Variants in GHRHR observed in about 807,000 individuals in gnomAD.
GHRHR encodes growth hormone releasing hormone receptor, also known as growth hormone-releasing hormone receptor.
Under a neutral mutation model 58.3 loss-of-function variants are expected in GHRHR, and 40 were observed. The ratio of observed to expected loss-of-function variants is 0.69; its 90% confidence interval spans 0.53 to 0.89. GHRHR has a LOEUF of 0.89. GHRHR is among the 40% of genes least tolerant of loss of function. The pLI is 0.00. For missense variants in GHRHR, 551 were observed against 541.3 expected (o/e 1.02, Z -0.18); for synonymous variants, 249 against 216.6 (o/e 1.15, Z -1.31).
At chr7:30,974,367 C>T (rs867201737) in intron 7 of GHRHR, 62 bp from the exon 8 acceptor site, 18 of 1,276,818 alleles carry the variant, frequency 1.4e-5, no homozygotes, top group African/African-American at 4.4e-5. Context: ...TGGGAGGTGG[C>T]GCCAGATCTC....
In GHRHR at chr7:30,971,976, C is replaced by G. The variant is rs1470811276; in HGVS notation, c.478C>G (p.Pro160Ala). The change falls in exon 6 of 13, where the codon CCC becomes GCC. Residue 160 changes from proline (P) to alanine (A), a missense_variant. Transcript: ENST00000326139. ...CATTACCCCCAGGAGGCTCCACTGC[C>G]CCCGGAACTACGTCCACACCCAGCT... is the stretch of plus-strand genomic sequence containing the variant. ...ILVALRRLHCPRNYVHTQLFT... is the reference protein window; with the variant it reads ...ILVALRRLHCARNYVHTQLFT... The G allele has an allele frequency of 1.2e-6, 2 of 1,613,990 alleles. No individual in the cohort carries two copies. The highest frequency in any genetic ancestry group is 3.3e-5 in the Admixed American group (2 of 60,018).
rs1792414458 is a variant in GHRHR, at chr7:30,968,871, C to T, written c.95C>T (p.Thr32Ile). 2 of 1,613,782 alleles carry T rather than the reference C, an allele frequency of 1.2e-6. No homozygotes were observed. Among genetic ancestry groups the T allele is most frequent in the African/African-American group, 1.3e-5 (1 of 74,854 alleles). Residue 32 changes from threonine (T) to isoleucine (I), a missense_variant, in exon 2 of 13, where the codon ACC becomes ATC. Physicochemically the swap from Thr to Ile is moderately conservative, Grantham distance 89. Coordinates refer to ENST00000326139, the MANE Select transcript of GHRHR (RefSeq NM_000823.4). ...GHMHPECDFI[T>I]QLREDESACL... ...ATGCACCCAGAATGTGACTTCATCA[C>T]CCAGCTGAGAGAGGATGAGAGTGCC...
At chr7:30,977,377 G>A (rs532972028) in intron 12 of GHRHR, 55 bp downstream of exon 12, 5 of 1,479,712 alleles carry the variant, frequency 3.4e-6, no homozygotes, top group Non-Finnish European at 4.7e-6. Context: ...CAGACCTAAG[G>A]CCCCTCCTCC....
Position 30,976,440 on chromosome 7 carries a change from A to G in GHRHR, c.986A>G (p.Lys329Arg). The stretch of plus-strand genomic sequence containing the variant: ...TGTCTTTCCTGCAGGCGTCTCTCCA[A>G]GTCGACACTTTTCCTGATCCCACTC... ...HTQSQYWRLS[K>R]STLFLIPLFG... The change falls in exon 11 of 13, where the codon AAG becomes AGG. Residue 329 changes from lysine (K) to arginine (R), a missense_variant. Lys to Arg is a conservative substitution (Grantham distance 26, BLOSUM62 2). Coordinates refer to ENST00000326139, the MANE Select transcript of GHRHR (RefSeq NM_000823.4). 6.2e-7 allele frequency: 1 copy of G among 1,613,432 alleles called. No homozygotes were observed. Among genetic ancestry groups the G allele is most frequent in the Non-Finnish European group, 8.5e-7 (1 of 1,179,538 alleles).
Position 30,976,464 on chromosome 7 carries a change from T to C in GHRHR, c.1010T>C (p.Leu337Pro), listed in dbSNP as rs1433798230. The C allele has an allele frequency of 6.2e-7, 1 of 1,613,336 alleles. No individual in the cohort carries two copies. Residue 337 changes from leucine to proline, a missense_variant, in exon 11 of 13, where the codon CTC (leucine) becomes CCC (proline). Transcript: ENST00000326139. ...AAGTCGACACTTTTCCTGATCCCAC[T>C]CTTTGGAATTCACTACATCATCTTC... ...LSKSTLFLIP[L>P]FGIHYIIFNF... is the part of the protein sequence containing the mutation.
Position 30,969,903 on chromosome 7 carries a change from C to A in GHRHR, c.305C>A (p.Ser102Tyr). 6.2e-7 allele frequency: 1 copy of A among 1,607,420 alleles called. No individual in the cohort carries two copies. Among genetic ancestry groups the A allele is most frequent in the Non-Finnish European group, 8.5e-7 (1 of 1,173,826 alleles). Residue 102 changes from serine (S) to tyrosine (Y), a missense_variant, in exon 4 of 13, where the codon TCT (serine) becomes TAT (tyrosine). By Grantham distance (144) the Ser-to-Tyr change is moderately radical. Transcript: ENST00000326139. ...VKRDCTITGW[S>Y]EPFPPYPVAC... ...CGGGATTGTACTATCACTGGCTGGTCTGAGCCCTTTCCACCTTACCCTGTG... is the reference window on the plus strand; with the variant it reads ...CGGGATTGTACTATCACTGGCTGGTATGAGCCCTTTCCACCTTACCCTGTG...
chr7:30,968,474 A>G, intron 1 of GHRHR, among the ~76,000 whole-genome samples: 1 of 152,124 alleles, frequency 6.6e-6, no homozygotes, highest in Non-Finnish European at 1.5e-5. Context: ...AGGTTTGTAT[A>G]CCAACTTCCT....
At chr7:30,966,040 C>T (rs993819050) in intron 1 of GHRHR, among the ~76,000 whole-genome samples, 1 of 152,178 alleles carries the variant, frequency 6.6e-6, no homozygotes, top group African/African-American at 2.4e-5. Context: ...CCTTGCAGGG[C>T]CAGGCAGGAG....
chr7:30,975,115 G>A, intron 9 of GHRHR, 75 bp downstream of exon 9: 2 of 1,016,932 alleles, frequency 2.0e-6, no homozygotes, highest in Non-Finnish European at 3.2e-6. Flanking sequence ...GTGCACAGCA[G>A]GAAATGCAAC....
chr7:30,967,616 C>T (rs1562592271), intron 1 of GHRHR, among the ~76,000 whole-genome samples: 1 of 52,620 alleles, frequency 1.9e-5, no homozygotes, highest in Non-Finnish European at 3.4e-5. Flanking sequence ...CATCCATCCA[C>T]CTCCCCAGCC....
Position 30,976,491 on chromosome 7 carries a change from A to G in GHRHR, c.1037A>G (p.Asn346Ser). ...PLFGIHYIIF[N>S]FLPDNAGLGI... The stretch of plus-strand genomic sequence containing the variant: ...TTTGGAATTCACTACATCATCTTCA[A>G]CTTCCTGCCAGACAATGCTGGCCTG... Residue 346 changes from asparagine to serine, a missense_variant, in exon 11 of 13, where the codon AAC (asparagine) becomes AGC (serine). Transcript: ENST00000326139. The G allele has an allele frequency of 6.2e-7, 1 of 1,613,480 alleles. No individual in the cohort carries two copies. The highest frequency in any genetic ancestry group is 8.5e-7 in the Non-Finnish European group (1 of 1,179,528).
At chr7:30,972,611 A>C (rs932580667) in intron 6 of GHRHR, among the ~76,000 whole-genome samples, 1 of 152,190 alleles carries the variant, frequency 6.6e-6, no homozygotes, top group African/African-American at 2.4e-5. Flanking sequence ...GGGAAGGAGA[A>C]CATTTCAAGA....
At chr7:30,976,314 A>T (rs2128598713) in intron 10 of GHRHR, 115 bp from the exon 11 acceptor site, 1 of 948,448 alleles carries the variant, frequency 1.1e-6, no homozygotes, top group Non-Finnish European at 1.7e-6. Flanking sequence ...GCGTTTCCCA[A>T]GGTGGCTGTT....
In GHRHR at chr7:30,969,923, C is replaced by T; in HGVS notation, c.325C>T (p.Pro109Ser). ...TGWSEPFPPY[P>S]VACPVPLELL... ...CTGGTCTGAGCCCTTTCCACCTTAC[C>T]CTGTGGCCTGCCCTGTGCCTCTGGA... Residue 109 changes from proline (P) to serine (S), a missense_variant, in exon 4 of 13, where the codon CCT becomes TCT. Coordinates refer to ENST00000326139, the MANE Select transcript of GHRHR (RefSeq NM_000823.4). 1.9e-6 allele frequency: 3 copies of T among 1,554,684 alleles called. No individual in the cohort carries two copies. Among genetic ancestry groups the T allele is most frequent in the Non-Finnish European group, 2.7e-6 (3 of 1,125,514 alleles).
chr7:30,969,419 T>C (rs1562593011), intron 3 of GHRHR: 5 of 599,786 alleles, frequency 8.3e-6, no homozygotes, highest in Non-Finnish European at 1.2e-5. Context: ...CTGGATGCCC[T>C]CCAGGTGTTA....
At position 30,974,479 on chromosome 7, in the gene GHRHR, G is replaced by A. The variant is rs753708857; in HGVS notation, c.802G>A (p.Glu268Lys). The change falls in exon 8 of 13, where the codon GAG becomes AAG. Residue 268 changes from glutamate (E) to lysine (K), a missense_variant. Physicochemically the swap from Glu to Lys is moderately conservative, Grantham distance 56. Coordinates refer to ENST00000326139, the MANE Select transcript of GHRHR (RefSeq NM_000823.4). ...GTWVSCKLAFEDIACWDLDDT... is the reference protein window; with the variant it reads ...GTWVSCKLAFKDIACWDLDDT... Reference sequence around the variant, plus strand: ...GTGGGTGAGCTGCAAACTGGCCTTCGAGGACATCGCGTGAGTCGGAGCGGC... The same window carrying A: ...GTGGGTGAGCTGCAAACTGGCCTTCAAGGACATCGCGTGAGTCGGAGCGGC... 8.7e-6 allele frequency: 14 copies of A among 1,611,688 alleles called. No homozygotes were observed. Among genetic ancestry groups the A allele is most frequent in the South Asian group, 6.6e-5 (6 of 91,038 alleles).
chr7:30,970,960 T>G (rs1792468329), intron 4 of GHRHR, 159 bp from the exon 5 acceptor site: 1 of 688,180 alleles, frequency 1.5e-6, no homozygotes, highest in East Asian at 2.7e-5. Context: ...AAAGCTCCAG[T>G]GCACAGGGGG....
In GHRHR at chr7:30,969,019, C is replaced by T. The variant is rs769403061; in HGVS notation, c.161-44C>T. ...CACCCCTCGGATTATTGGGACAGCC[C>T]TGCACCTGGGCTGAGTCTCTGCTGC... On this transcript the variant is annotated intron_variant, in intron 2 of 12. Coordinates refer to ENST00000326139, the MANE Select transcript of GHRHR (RefSeq NM_000823.4). The T allele has an allele frequency of 5.8e-6, 9 of 1,548,940 alleles. No homozygotes were observed. In the East Asian group the frequency reaches 2.1e-4, roughly 35 times the overall value.
chr7:30,968,773 A>G (rs1389756000), intron 1 of GHRHR, 61 bp from the exon 2 acceptor site: 2 of 1,112,862 alleles, frequency 1.8e-6, no homozygotes, highest in African/African-American at 3.1e-5. Context: ...GGTCATGTGG[A>G]CCACAGAGCC....
Sources: allele counts gnomAD v4.1 joint callset (sites outside exome capture counted in the v4.1 genomes callset), GRCh38; gene constraint gnomAD v4.1.1; transcripts MANE v1.5; gene names NCBI Gene and HGNC (gene_info 2026-07-23, HGNC 2026-07-21).